Variants in COMMD10 observed in about 807,000 individuals in gnomAD.
The protein encoded by COMMD10 is COMM domain-containing protein 10.
A neutral mutation model predicts 28.9 loss-of-function variants in COMMD10; 33 were observed. The ratio of observed to expected loss-of-function variants is 1.14; its 90% CI spans 0.87 to 1.53. The LOEUF (loss-of-function observed/expected upper bound fraction) is 1.53. COMMD10 is among the 40% of genes most tolerant of loss of function. The pLI, the probability that COMMD10 is intolerant of heterozygous loss-of-function variation, is 0.00. For synonymous variants in COMMD10, 110 were observed against 81.7 expected (o/e 1.35, Z -1.87); for missense variants, 310 against 233.4 (o/e 1.33, Z -2.14).
chr5:116,171,100 A>T (rs1753313666), intron 5 of COMMD10, among the ~76,000 whole-genome samples: 1 of 152,026 alleles, frequency 6.6e-6, no homozygotes, highest in Non-Finnish European at 1.5e-5. Context: ...GAAAGGTCTA[A>T]TATCCAGAAT....
chr5:116,166,481 C>CTAAA lies in COMMD10; in HGVS notation c.510+32304_510+32305insAAAT, dbSNP rs1180051393. Among the ~76,000 whole-genome samples the CTAAA allele has an allele frequency of 3.3e-5, 5 of 152,282 alleles. No homozygotes were observed. In the East Asian group the frequency reaches 9.7e-4, roughly 29 times the overall value. On this transcript the variant is annotated intron_variant, in intron 5 of 6. Coordinates refer to ENST00000274458, the MANE Select transcript of COMMD10 (RefSeq NM_016144.4). ...AAATTGAAATGCTGTGCGTTTAGCC[C>CTAAA]TCAAGCTCTGTTAAGGGACAGACTG...
chr5:116,116,455 A>G (rs1348863086), intron 4 of COMMD10, among the ~76,000 whole-genome samples: 1 of 152,178 alleles, frequency 6.6e-6, no homozygotes, highest in Non-Finnish European at 1.5e-5. Context: ...CATATCTGAG[A>G]GCTTCTTCAA....
intron 5 of COMMD10, among the ~76,000 whole-genome samples, chr5:116,155,391 G>C (rs78453397): frequency 6.6e-6 from 1 of 151,886 alleles, no homozygotes. Flanking sequence ...ATTTAAAAAC[G>C]CTACTATTTT....
At chr5:116,196,905 G>T (rs970621049) in intron 5 of COMMD10, among the ~76,000 whole-genome samples, 1 of 152,062 alleles carries the variant, frequency 6.6e-6, no homozygotes, top group African/African-American at 2.4e-5. Context: ...GTTTTAATGT[G>T]ATGTATGATT....
intron 5 of COMMD10, among the ~76,000 whole-genome samples, chr5:116,137,651 G>T (rs1258374975): frequency 1.3e-5 from 2 of 151,896 alleles, no homozygotes; most frequent in African/African-American, 4.8e-5. Flanking sequence ...CGGTTTATAA[G>T]GAGCTCCTTA....
intron 5 of COMMD10, among the ~76,000 whole-genome samples, chr5:116,149,174 A>G (rs1752434946): frequency 7.5e-6 from 1 of 133,734 alleles, no homozygotes; most frequent in Admixed American, 7.1e-5. Flanking sequence ...GTCCCTACAA[A>G]GGACATGAAC....
intron 5 of COMMD10, among the ~76,000 whole-genome samples, chr5:116,262,404 G>A (rs1207854566): frequency 1.3e-5 from 2 of 151,648 alleles, no homozygotes; most frequent in African/African-American, 2.4e-5. Flanking sequence ...TTAGACCTAA[G>A]AGGATTTATA....
In COMMD10 at chr5:116,224,005, G is replaced by T. The variant is rs373126730; in HGVS notation, c.511-67512G>T. Among the ~76,000 whole-genome samples, 54 of 152,164 alleles carry T rather than the reference G, an allele frequency of 3.5e-4. 1 individual carries two copies. The East Asian group carries it at 5.0e-3, about 14-fold the overall frequency. ...GCAGCATTATAAGACCATGGAAATG[G>T]TTTTACTGTTTGTCTCTTTTACGTT... On this transcript the variant is annotated intron_variant, in intron 5 of 6. Coordinates refer to ENST00000274458, the MANE Select transcript of COMMD10 (RefSeq NM_016144.4).
At chr5:116,259,980 A>C (rs1180440070) in intron 5 of COMMD10, among the ~76,000 whole-genome samples, 2 of 151,486 alleles carry the variant, frequency 1.3e-5, no homozygotes, top group Non-Finnish European at 2.9e-5. Context: ...ATCTCCTCTG[A>C]TTTGTGTTTG....
At chr5:116,174,752 C>T (rs1286429125) in intron 5 of COMMD10, among the ~76,000 whole-genome samples, 1 of 152,098 alleles carries the variant, frequency 6.6e-6, no homozygotes, top group Admixed American at 6.6e-5. Context: ...TACAGAAATC[C>T]TTTCCTAACC....
intron 5 of COMMD10, among the ~76,000 whole-genome samples, chr5:116,171,677 AG>A (rs1753338957): frequency 6.6e-6 from 1 of 152,180 alleles, no homozygotes; most frequent in South Asian, 2.1e-4. Context: ...TGTCCTTTGC[AG>A]CATCATGGAT....
intron 5 of COMMD10, among the ~76,000 whole-genome samples, chr5:116,153,196 A>G (rs1319017742): frequency 1.3e-5 from 2 of 152,136 alleles, no homozygotes; most frequent in African/African-American, 4.8e-5. Flanking sequence ...AAGATACAGG[A>G]TAAGTTTAAA....
chr5:116,119,723 T>G (rs1034936652), intron 4 of COMMD10, among the ~76,000 whole-genome samples: 9 of 152,206 alleles, frequency 5.9e-5, no homozygotes, highest in African/African-American at 2.2e-4. Flanking sequence ...GGGATCCTCC[T>G]GCCTCAGCTT....
At chr5:116,240,577 T>C (rs1010860101) in intron 5 of COMMD10, among the ~76,000 whole-genome samples, 1 of 152,164 alleles carries the variant, frequency 6.6e-6, no homozygotes, top group African/African-American at 2.4e-5. Context: ...AGCTGTTCTT[T>C]AAGCCATGTT....
intron 5 of COMMD10, among the ~76,000 whole-genome samples, chr5:116,250,273 TC>T (rs1204537689): frequency 6.6e-6 from 1 of 151,934 alleles, no homozygotes; most frequent in Non-Finnish European, 1.5e-5. Context: ...GGATTGGTTT[TC>T]TTAATATGCA....
intron 4 of COMMD10, among the ~76,000 whole-genome samples, chr5:116,131,667 T>G (rs888169962): frequency 3.9e-4 from 60 of 152,026 alleles, no homozygotes; most frequent in Non-Finnish European, 5.3e-4. Flanking sequence ...TAAAGGTGAA[T>G]AAGACTCCAG....
chr5:116,216,170 T>A (rs1409575154), intron 5 of COMMD10, among the ~76,000 whole-genome samples: 1 of 152,188 alleles, frequency 6.6e-6, no homozygotes, highest in African/African-American at 2.4e-5. Flanking sequence ...TCTTTAACAT[T>A]AAGGAAATCC....
At chr5:116,213,280 A>G (rs1378118021) in intron 5 of COMMD10, among the ~76,000 whole-genome samples, 1 of 152,158 alleles carries the variant, frequency 6.6e-6, no homozygotes, top group Non-Finnish European at 1.5e-5. Flanking sequence ...CCAGACTCAA[A>G]CAGATGTGAA....
chr5:116,134,293 G>T, intron 5 of COMMD10, 115 bp downstream of exon 5: 2 of 598,680 alleles, frequency 3.3e-6, no homozygotes, highest in Non-Finnish European at 6.0e-6. Flanking sequence ...CAGTTAAACA[G>T]TTATTAATAA....
Sources: allele counts gnomAD v4.1 joint callset (sites outside exome capture counted in the v4.1 genomes callset), GRCh38; gene constraint gnomAD v4.1.1; transcripts MANE v1.5; gene names NCBI Gene and HGNC (gene_info 2026-07-23, HGNC 2026-07-21).